INTS13: variants seen among roughly 807,000 people sequenced by gnomAD.
INTS13 encodes integrator complex subunit 13.
In INTS13, 35 loss-of-function variants were observed where a neutral mutation model predicts 90.2. The ratio of observed to expected loss-of-function variants is 0.39; its 90% CI spans 0.30 to 0.51. The LOEUF is 0.51. Ranked by LOEUF, INTS13 falls within the 20% of genes least tolerant of loss-of-function variation. INTS13 has a pLI of 0.80. For missense variants in INTS13, 601 were observed against 851.2 expected (o/e 0.71, Z 3.66); for synonymous variants, 309 against 277.1 (o/e 1.11, Z -1.14).
intron 15 of INTS13, among the ~76,000 whole-genome samples, chr12:26,910,839 A>AT (rs879528787): frequency 1.3e-3 from 194 of 147,952 alleles, no homozygotes; most frequent in African/African-American, 3.9e-3. Flanking sequence ...TCATTGGAAA[A>AT]TTTTTTTTTT....
At chr12:26,938,267 C>T (rs1174402039), upstream of INTS13, 2 of 152,272 alleles carry the variant, frequency 1.3e-5, no homozygotes, top group Non-Finnish European at 2.9e-5. Flanking sequence ...GACCCACCCA[C>T]CCGGTCTCCC....
At chr12:26,935,437 C>T (rs1315065660) in intron 2 of INTS13, among the ~76,000 whole-genome samples, 3 of 152,138 alleles carry the variant, frequency 2.0e-5, no homozygotes, top group Non-Finnish European at 4.4e-5. Context: ...TTTCCTTCCT[C>T]CCCCAAGAAG....
At chr12:26,935,807 C>A (rs1374525014) in intron 2 of INTS13, among the ~76,000 whole-genome samples, 3 of 152,168 alleles carry the variant, frequency 2.0e-5, no homozygotes, top group African/African-American at 7.2e-5. Context: ...CCCTACCTTC[C>A]TCAGTCTAAG....
chr12:26,909,469 ACT>A (rs1491589303), intron 15 of INTS13, among the ~76,000 whole-genome samples: 1 of 130,088 alleles, frequency 7.7e-6, no homozygotes, highest in Non-Finnish European at 1.6e-5. Flanking sequence ...TATAGATAAT[ACT>A]CTTTTTTTTT....
At chr12:26,919,097 G>A (rs545855799) in intron 8 of INTS13, 7 of 349,636 alleles carry the variant, frequency 2.0e-5, no homozygotes, top group Non-Finnish European at 3.6e-5. Flanking sequence ...AGCCCGAGGG[G>A]TCGATGCTGC....
intron 5 of INTS13, among the ~76,000 whole-genome samples, chr12:26,926,532 C>T (rs537003012): frequency 3.3e-5 from 5 of 152,280 alleles, no homozygotes; most frequent in South Asian, 2.1e-4. Flanking sequence ...ACACTATGAC[C>T]GCACCTAAGA....
intron 8 of INTS13, chr12:26,919,026 C>T (rs1952026748): frequency 2.5e-6 from 1 of 396,814 alleles, no homozygotes; most frequent in East Asian, 7.7e-5. Context: ...ATTAGCCAGG[C>T]TTCGTGGTAT....
In INTS13 at chr12:26,928,454, G is replaced by C. The variant is rs1938006209; in HGVS notation, c.504-169C>G. On this transcript the variant is annotated intron_variant, in intron 4 of 16. Coordinates refer to ENST00000261191, the MANE Select transcript of INTS13 (RefSeq NM_018164.3). ...CTAAACAACTAGCTGAAAAACCAGT[G>C]AGAAAAAATGTTAAATTTACCTACA... is the stretch of plus-strand genomic sequence containing the variant. Among the ~76,000 whole-genome samples, 5 of 150,678 alleles carry C rather than the reference G, an allele frequency of 3.3e-5. No individual in the cohort carries two copies. In the South Asian group the frequency reaches 8.4e-4, roughly 25 times the overall value.
In INTS13 at chr12:26,905,536, C is replaced by T. The variant is rs768467757; in HGVS notation, c.2082G>A (p.Gly694=). 1.9e-6 allele frequency: 3 copies of T among 1,611,204 alleles called. No homozygotes were observed. The Admixed American group carries it at 5.0e-5, about 27-fold the overall frequency. The change falls in exon 17 of 17, where the codon GGG becomes GGA. Residue 694 remains glycine, a splice_region_variant and synonymous_variant. Transcript: ENST00000261191. ...ELYQHLKEEN[G]METTENGKAS... is the part of the protein sequence containing the mutation. ...CTTTTCCATTTTCTGTTGTCTCCAT[C>T]CTGAAATAGGAAGAAAAAAACGAGT...
At chr12:26,927,463 G>GA (rs149638178) in intron 5 of INTS13, among the ~76,000 whole-genome samples, 1 of 151,558 alleles carries the variant, frequency 6.6e-6, no homozygotes, top group Middle Eastern at 3.4e-3. Flanking sequence ...GAGTATAGAG[G>GA]AAAAAAAACT....
At chr12:26,925,983 G>A (rs1009572654) in intron 5 of INTS13, 132 bp from the exon 6 acceptor site, 2 of 595,336 alleles carry the variant, frequency 3.4e-6, no homozygotes, top group Middle Eastern at 4.6e-4. Flanking sequence ...TAACCCAAAA[G>A]CTAAATATTA....
chr12:26,931,786 A>G (rs1938205511), intron 3 of INTS13, among the ~76,000 whole-genome samples: 1 of 151,420 alleles, frequency 6.6e-6, no homozygotes, highest in Non-Finnish European at 1.5e-5. Flanking sequence ...GATTTTACTT[A>G]CTAAAAAACA....
In INTS13 at chr12:26,924,343, A is replaced by G; in HGVS notation, c.804+12T>C. 4 of 1,607,426 alleles carry G rather than the reference A, an allele frequency of 2.5e-6. No homozygotes were observed. The highest frequency in any genetic ancestry group is 3.4e-6 in the Non-Finnish European group (4 of 1,177,042). On this transcript the variant is annotated intron_variant, in intron 7 of 16. Transcript: ENST00000261191. ...CAGTGCTTTCAAAATAGCAGGAAAA[A>G]GAACTGCCTACCTTCATTGGAATAT...
intron 8 of INTS13, among the ~76,000 whole-genome samples, chr12:26,920,919 T>C (rs1252548939): frequency 6.6e-6 from 1 of 152,184 alleles, no homozygotes; most frequent in Non-Finnish European, 1.5e-5. Context: ...TGATTATGCT[T>C]CAGAAGATGC....
rs1592221715 is a variant in INTS13 at position 26,925,771 on chromosome 12, G to A, written c.665C>T (p.Ser222Phe). 6.2e-7 allele frequency: 1 copy of A among 1,607,292 alleles called. No homozygotes were observed. The highest frequency in any genetic ancestry group is 8.5e-7 in the Non-Finnish European group (1 of 1,175,900). The change falls in exon 6 of 17, where the codon TCT (serine) becomes TTT (phenylalanine). Residue 222 changes from serine to phenylalanine, a missense_variant. Around this residue, in one of 3 missense-constraint regions of INTS13, gnomAD observed 284 missense variants for 387.7 expected, o/e 0.73. Transcript: ENST00000261191. ...TATTTCAACACTCACCTCTTTTTTA[G>A]AACGATCAGATACAAGGCTGTCTTC... is the stretch of plus-strand genomic sequence containing the variant. ...VGEDSLVSDR[S>F]KKELSPVLTS...
chr12:26,934,124 A>G (rs1341294670), intron 3 of INTS13, among the ~76,000 whole-genome samples: 1 of 152,108 alleles, frequency 6.6e-6, no homozygotes, highest in Non-Finnish European at 1.5e-5. Context: ...AAAATACAAA[A>G]ATTAGCCAGG....
chr12:26,928,294 TA>T lies in INTS13; in HGVS notation c.504-10del. 1 of 1,599,308 alleles carries T rather than the reference TA, an allele frequency of 6.3e-7. No individual in the cohort carries two copies. The highest frequency in any genetic ancestry group is 8.6e-7 in the Non-Finnish European group (1 of 1,167,844). On this transcript the variant is annotated splice_polypyrimidine_tract_variant and intron_variant, in intron 4 of 16. Transcript: ENST00000261191. ...TTCGCACATGACTATCACTATGGCATAAAAAAGATATAGCAAATTTAAAGGA... is the reference window on the plus strand; with the variant it reads ...TTCGCACATGACTATCACTATGGCATAAAAAGATATAGCAAATTTAAAGGA...
rs767757547 is a variant in INTS13 at position 26,925,854 on chromosome 12, T to TA, written c.585-4dup. On this transcript the variant is annotated splice_region_variant and splice_polypyrimidine_tract_variant and intron_variant, in intron 5 of 16. Coordinates refer to ENST00000261191, the MANE Select transcript of INTS13 (RefSeq NM_018164.3). ...CACATTTTTGAATCTGCATGAGACT[T>TA]AAAGAGAAATTTTTGACTTAAAATT... 6.2e-7 allele frequency: 1 copy of TA among 1,608,262 alleles called. No homozygotes were observed. Among genetic ancestry groups the TA allele is most frequent in the South Asian group, 1.1e-5 (1 of 90,508 alleles).
intron 6 of INTS13, among the ~76,000 whole-genome samples, chr12:26,925,426 A>G (rs1937814806): frequency 6.6e-6 from 1 of 152,158 alleles, no homozygotes; most frequent in Non-Finnish European, 1.5e-5. Flanking sequence ...TTTGTTAAAG[A>G]GTGTATTGCT....
Sources: allele counts gnomAD v4.1 joint callset (sites outside exome capture counted in the v4.1 genomes callset), GRCh38; gene constraint gnomAD v4.1.1; regional missense constraint gnomAD v4.1.1; transcripts MANE v1.5; gene names NCBI Gene and HGNC (gene_info 2026-07-23, HGNC 2026-07-21).